Variants in SLC30A8 observed in about 807,000 individuals in gnomAD.
SLC30A8 encodes proton-coupled zinc antiporter SLC30A8.
In SLC30A8, 27 loss-of-function variants were observed where a neutral mutation model predicts 36.9. The observed-to-expected ratio is 0.73, with a 90% confidence interval of 0.54 to 1.01. The LOEUF (loss-of-function observed/expected upper bound fraction) is 1.01, where lower values mean the gene tolerates loss of function less well. Among genes scored for constraint, SLC30A8 ranks in the 50% least tolerant of loss-of-function variants. The pLI is 0.00. For missense variants in SLC30A8, 439 were observed against 452.0 expected (o/e 0.97, Z 0.26); for synonymous variants, 164 against 172.4 (o/e 0.95, Z 0.38).
At chr8:117,106,502 A>G (rs1186720514) in intron 2 of SLC30A8, among the ~76,000 whole-genome samples, 1 of 152,210 alleles carries the variant, frequency 6.6e-6, no homozygotes, top group African/African-American at 2.4e-5. Context: ...TGTTAGAGTA[A>G]GAAGGAACTT....
intron 2 of SLC30A8, among the ~76,000 whole-genome samples, chr8:117,042,700 G>A (rs1216003003): frequency 4.0e-5 from 6 of 149,662 alleles, no homozygotes; most frequent in Admixed American, 6.7e-5. Context: ...AAGGAGTTTC[G>A]CTCTTTTCAC....
intron 2 of SLC30A8, among the ~76,000 whole-genome samples, chr8:117,097,891 T>C (rs1234964873): frequency 9.8e-6 from 1 of 101,986 alleles, no homozygotes; most frequent in African/African-American, 4.2e-5. Flanking sequence ...TAAATAAATA[T>C]ATATTATATA....
chr8:117,135,302 A>C lies in SLC30A8; in HGVS notation c.-26A>C. The C allele has an allele frequency of 6.4e-7, 1 of 1,568,136 alleles. No individual in the cohort carries two copies. On this transcript the variant is annotated 5_prime_UTR_variant, in exon 1 of 8. Transcript: ENST00000456015. ...CAGTGAGTTCAACAACAACGACAAC[A>C]ACAGCCGCAGCTCATCCTGGCCGTC...
intron 2 of SLC30A8, among the ~76,000 whole-genome samples, chr8:117,090,034 A>G (rs1355095592): frequency 2.6e-5 from 4 of 151,816 alleles, no homozygotes. Flanking sequence ...GTGCAGTGGC[A>G]TGATCTCGGC....
Position 117,135,300 on chromosome 8 carries a change from A to G in SLC30A8, c.-28A>G, listed in dbSNP as rs747489486. 1.3e-6 allele frequency: 2 copies of G among 1,564,474 alleles called. No homozygotes were observed. Among genetic ancestry groups the G allele is most frequent in the Non-Finnish European group, 1.7e-6 (2 of 1,148,520 alleles). On this transcript the variant is annotated 5_prime_UTR_variant, in exon 1 of 8. Coordinates refer to ENST00000456015, the MANE Select transcript of SLC30A8 (RefSeq NM_173851.3). ...GGCAGTGAGTTCAACAACAACGACAACAACAGCCGCAGCTCATCCTGGCCG... is the reference window on the plus strand; with the variant it reads ...GGCAGTGAGTTCAACAACAACGACAGCAACAGCCGCAGCTCATCCTGGCCG...
Position 117,172,652 on chromosome 8 carries a change from T to G in SLC30A8, c.1081T>G (p.Cys361Gly). ...MESPVDQDPD[C>G]LFCEDPCD ...ATCTCCAGTTGACCAGGACCCCGAC[T>G]GCCTTTTCTGTGAAGACCCCTGTGA... Residue 361 changes from cysteine (C) to glycine (G), a missense_variant, in exon 8 of 8, where the codon TGC becomes GGC. By Grantham distance (159) the Cys-to-Gly change is radical. Transcript: ENST00000456015. 2 of 1,613,726 alleles carry G rather than the reference T, an allele frequency of 1.2e-6. No individual in the cohort carries two copies. The highest frequency in any genetic ancestry group is 2.2e-5 in the South Asian group (2 of 91,076).
intron 2 of SLC30A8, among the ~76,000 whole-genome samples, chr8:117,063,334 C>G (rs145840481): frequency 1.3e-3 from 195 of 152,242 alleles, no homozygotes; most frequent in African/African-American, 4.1e-3. Context: ...GAGGGCTCCC[C>G]TCTGGTGTCC....
intron 1 of SLC30A8, among the ~76,000 whole-genome samples, chr8:116,988,905 T>G (rs1015148227): frequency 2.0e-5 from 3 of 152,222 alleles, no homozygotes; most frequent in African/African-American, 7.2e-5. Flanking sequence ...CATATAGATT[T>G]TCATTGTATT....
chr8:116,976,416 A>G (rs1285404992), intron 1 of SLC30A8, among the ~76,000 whole-genome samples: 3 of 152,268 alleles, frequency 2.0e-5, no homozygotes, highest in East Asian at 3.9e-4. Flanking sequence ...TGATTGGAAG[A>G]AAATAGGCTG....
intron 1 of SLC30A8, among the ~76,000 whole-genome samples, 199 bp downstream of exon 1, chr8:117,135,597 C>T (rs1248531415): frequency 6.6e-6 from 1 of 151,900 alleles, no homozygotes; most frequent in Non-Finnish European, 1.5e-5. Flanking sequence ...CCTTAAATAT[C>T]CTAAGTGCAT....
chr8:117,037,733 G>C (rs868725722), intron 1 of SLC30A8, among the ~76,000 whole-genome samples: 1 of 152,138 alleles, frequency 6.6e-6, no homozygotes, highest in Non-Finnish European at 1.5e-5. Flanking sequence ...TGCATCTATG[G>C]TGTCTAAATG....
intron 1 of SLC30A8, among the ~76,000 whole-genome samples, chr8:117,008,466 C>A (rs1816248087): frequency 1.3e-5 from 2 of 152,270 alleles, no homozygotes; most frequent in Admixed American, 6.5e-5. Flanking sequence ...ACATTAGATA[C>A]CTTCAAGTCA....
intron 1 of SLC30A8, among the ~76,000 whole-genome samples, chr8:117,005,958 C>A (rs1256940133): frequency 6.6e-6 from 1 of 152,158 alleles, no homozygotes. Context: ...TTAGTTGTAA[C>A]TTAAAAGTGA....
At chr8:117,144,858 C>T (rs1821828632) in intron 1 of SLC30A8, among the ~76,000 whole-genome samples, 2 of 152,126 alleles carry the variant, frequency 1.3e-5, no homozygotes, top group South Asian at 2.1e-4. Context: ...TGGGTTTTGC[C>T]AGTCTTCTGA....
chr8:117,099,679 T>C (rs184803370), intron 2 of SLC30A8, among the ~76,000 whole-genome samples: 118 of 152,254 alleles, frequency 7.8e-4, no homozygotes, highest in Non-Finnish European at 1.4e-3. Context: ...TGGATGGGCT[T>C]TTACCTAGAT....
At chr8:117,008,174 A>G (rs1816240383) in intron 1 of SLC30A8, among the ~76,000 whole-genome samples, 1 of 152,218 alleles carries the variant, frequency 6.6e-6, no homozygotes, top group South Asian at 2.1e-4. Flanking sequence ...ATTGTGGTTA[A>G]TGAATAAATA....
intron 2 of SLC30A8, among the ~76,000 whole-genome samples, chr8:117,085,128 C>T (rs1406873550): frequency 6.6e-6 from 1 of 152,032 alleles, no homozygotes; most frequent in African/African-American, 2.4e-5. Context: ...GGCTCTTTGG[C>T]AAGTTAAGAA....
intron 1 of SLC30A8, among the ~76,000 whole-genome samples, chr8:116,988,638 C>T (rs1344927254): frequency 2.6e-5 from 4 of 152,160 alleles, no homozygotes; most frequent in South Asian, 2.1e-4. Flanking sequence ...ATATCTTATG[C>T]GTGTTTCTCT....
At chr8:117,041,184 A>G (rs1341352162) in intron 2 of SLC30A8, among the ~76,000 whole-genome samples, 2 of 152,224 alleles carry the variant, frequency 1.3e-5, no homozygotes, top group Non-Finnish European at 2.9e-5. Flanking sequence ...AATCCACAGA[A>G]AAAATAAATA....
Sources: gnomAD v4.1 joint callset for allele counts (sites outside exome capture counted in the v4.1 genomes callset) on GRCh38, gnomAD v4.1.1 for gene constraint, MANE v1.5 for transcripts, NCBI Gene and HGNC (gene_info 2026-07-23, HGNC 2026-07-21) for gene names.